Variants in LRP1B observed in about 807,000 individuals in gnomAD.
LRP1B encodes the protein LDL receptor related protein 1B.
Under a neutral mutation model 556.6 loss-of-function variants are expected in LRP1B, and 217 were observed. The observed-to-expected ratio is 0.39, with a 90% confidence interval of 0.35 to 0.44. The LOEUF (loss-of-function observed/expected upper bound fraction) is 0.44, where lower values mean the gene tolerates loss of function less well. Among genes scored for constraint, LRP1B ranks in the 20% least tolerant of loss-of-function variants. The pLI is 1.00. For missense variants in LRP1B, 5,053 were observed against 5,620.8 expected (o/e 0.90, Z 3.23); for synonymous variants, 2,047 against 1,865.8 (o/e 1.10, Z -2.50).
In LRP1B at chr2:140,335,846, G is replaced by A. The variant is rs1553449441; in HGVS notation, c.11893-8C>T. 1.3e-6 allele frequency: 2 copies of A among 1,564,934 alleles called. No individual in the cohort carries two copies. The highest frequency in any genetic ancestry group is 3.3e-5 in the Admixed American group (2 of 59,732). On this transcript the variant is annotated splice_polypyrimidine_tract_variant and splice_region_variant and intron_variant, in intron 77 of 90. Coordinates refer to ENST00000389484, the MANE Select transcript of LRP1B (RefSeq NM_018557.3). Reference sequence around the variant, plus strand: ...CCTTTTAAATTCAGGACACTACAAGGAAACAAAACAACACACCACGGTATT... The same window carrying A: ...CCTTTTAAATTCAGGACACTACAAGAAAACAAAACAACACACCACGGTATT...
chr2:141,252,200 C>T (rs1296205542), intron 4 of LRP1B, among the ~76,000 whole-genome samples: 2 of 145,350 alleles, frequency 1.4e-5, no homozygotes, highest in African/African-American at 2.5e-5. Context: ...CACCACCCCC[C>T]ACCCCCTAAA....
intron 7 of LRP1B, among the ~76,000 whole-genome samples, chr2:141,125,586 G>A (rs575992341): frequency 2.3e-4 from 35 of 152,064 alleles, no homozygotes; most frequent in Admixed American, 1.1e-3. Flanking sequence ...CCACTGACAC[G>A]CCCTTGCACA....
chr2:140,587,278 G>A (rs1023588081), intron 43 of LRP1B, among the ~76,000 whole-genome samples: 1 of 152,112 alleles, frequency 6.6e-6, no homozygotes, highest in Non-Finnish European at 1.5e-5. Flanking sequence ...GAGAAAGCGT[G>A]GGGCTAAAAA....
At chr2:141,098,659 T>C (rs572080898) in intron 7 of LRP1B, among the ~76,000 whole-genome samples, 1 of 150,292 alleles carries the variant, frequency 6.7e-6, no homozygotes, top group African/African-American at 2.4e-5. Context: ...TATCTGTAGA[T>C]TGACTGATTG....
chr2:140,674,295 C>G (rs59924962), intron 41 of LRP1B, among the ~76,000 whole-genome samples: 4,653 of 152,222 alleles, frequency 0.031, 214 homozygotes, highest in African/African-American at 0.096. Context: ...CCTCTAATAA[C>G]ATAACCAGCT....
At chr2:141,883,882 G>A (rs958144641) in intron 1 of LRP1B, among the ~76,000 whole-genome samples, 9 of 152,118 alleles carry the variant, frequency 5.9e-5, no homozygotes, top group African/African-American at 1.9e-4. Context: ...CACCCATGAA[G>A]AATGTATTTT....
chr2:141,633,547 C>T (rs1007683568), intron 2 of LRP1B, among the ~76,000 whole-genome samples: 1 of 151,942 alleles, frequency 6.6e-6, no homozygotes, highest in Non-Finnish European at 1.5e-5. Context: ...CTGAATCTAC[C>T]AATACGACTT....
chr2:141,731,891 T>A (rs905646563), intron 2 of LRP1B, among the ~76,000 whole-genome samples: 18 of 152,128 alleles, frequency 1.2e-4, no homozygotes, highest in Admixed American at 1.1e-3. Flanking sequence ...AGATGGTGAC[T>A]TTCCTATGGC....
At chr2:140,513,182 A>G (rs768407260) in intron 51 of LRP1B, among the ~76,000 whole-genome samples, 3 of 152,072 alleles carry the variant, frequency 2.0e-5, no homozygotes, top group Non-Finnish European at 2.9e-5. Context: ...TTTTGTATCC[A>G]ATTAATAGGT....
chr2:141,574,087 T>C (rs1001791148), intron 2 of LRP1B, among the ~76,000 whole-genome samples: 1 of 152,174 alleles, frequency 6.6e-6, no homozygotes, highest in Non-Finnish European at 1.5e-5. Context: ...CCTCCCTAAC[T>C]CATTTTATGA....
chr2:141,015,651 A>T, intron 13 of LRP1B, 45 bp downstream of exon 13: 1 of 1,449,834 alleles, frequency 6.9e-7, no homozygotes, highest in Non-Finnish European at 9.6e-7. Flanking sequence ...GGCTCTGTGA[A>T]AAAAAGAAGC....
intron 3 of LRP1B, among the ~76,000 whole-genome samples, chr2:141,434,173 A>G (rs1161259116): frequency 6.6e-6 from 1 of 151,824 alleles, no homozygotes; most frequent in Non-Finnish European, 1.5e-5. Context: ...ATCTTTGAAT[A>G]TTTTTTCTGT....
chr2:140,378,034 C>T (rs1683310112), intron 68 of LRP1B, 146 bp downstream of exon 68: 6 of 599,206 alleles, frequency 1.0e-5, no homozygotes, highest in Non-Finnish European at 1.8e-5. Context: ...ATGTGAAGCA[C>T]AGCACATGGA....
At chr2:140,936,164 AC>A (rs1695198748) in intron 20 of LRP1B, among the ~76,000 whole-genome samples, 2 of 151,520 alleles carry the variant, frequency 1.3e-5, no homozygotes, top group African/African-American at 4.8e-5. Flanking sequence ...ACGTGGTAAA[AC>A]CCCATCTCTA....
chr2:140,469,531 A>G (rs1687679925), intron 60 of LRP1B, among the ~76,000 whole-genome samples: 1 of 152,226 alleles, frequency 6.6e-6, no homozygotes, highest in South Asian at 2.1e-4. Context: ...AAGAAGACAC[A>G]AAAAATATTA....
intron 14 of LRP1B, among the ~76,000 whole-genome samples, chr2:141,007,245 T>C (rs1013949743): frequency 2.0e-5 from 3 of 151,664 alleles, no homozygotes; most frequent in Non-Finnish European, 3.0e-5. Flanking sequence ...TAATAAGAAG[T>C]AAGAAAAAAA....
At chr2:140,780,837 A>C (rs1338696495) in intron 32 of LRP1B, among the ~76,000 whole-genome samples, 3 of 152,158 alleles carry the variant, frequency 2.0e-5, no homozygotes, top group African/African-American at 7.2e-5. Context: ...ACTTAGAAAA[A>C]AATCTTTCTT....
At chr2:140,835,705 T>C (rs1293563068) in intron 31 of LRP1B, among the ~76,000 whole-genome samples, 5 of 151,774 alleles carry the variant, frequency 3.3e-5, no homozygotes, top group Non-Finnish European at 5.9e-5. Context: ...GTCTGGCTAA[T>C]GTTTTGTATT....
At chr2:142,063,092 A>G (rs1704982632) in intron 1 of LRP1B, among the ~76,000 whole-genome samples, 1 of 151,328 alleles carries the variant, frequency 6.6e-6, no homozygotes, top group Admixed American at 6.6e-5. Context: ...AAACACTAAC[A>G]GTACCAGATA....
Sources: allele counts gnomAD v4.1 joint callset (sites outside exome capture counted in the v4.1 genomes callset), GRCh38; gene constraint gnomAD v4.1.1; transcripts MANE v1.5; gene names NCBI Gene and HGNC (gene_info 2026-07-23, HGNC 2026-07-21).